Variants in MEGF11 observed in about 807,000 individuals in gnomAD.
MEGF11 encodes the protein multiple EGF like domains 11.
Under a neutral mutation model 146.6 loss-of-function variants are expected in MEGF11, and 126 were observed. The ratio of observed to expected loss-of-function variants is 0.86; its 90% CI spans 0.74 to 1.00. The LOEUF (loss-of-function observed/expected upper bound fraction) is 1.00. MEGF11 is among the 50% of genes least tolerant of loss of function. The pLI is 0.00. For missense variants in MEGF11, 1,509 were observed against 1,521.2 expected, an observed-to-expected ratio of 0.99 and a Z score of 0.13; for synonymous variants, 532 against 583.4, an observed-to-expected ratio of 0.91 and a Z score of 1.27.
chr15:66,231,264 G>A (rs11630348), intron 1 of MEGF11, among the ~76,000 whole-genome samples: 39,473 of 151,528 alleles, frequency 0.26, 6,041 homozygotes, highest in Middle Eastern at 0.36. Context: ...TCCAGAAACC[G>A]GAACCCTGGC....
chr15:66,140,755 G>A (rs528003847), intron 1 of MEGF11, among the ~76,000 whole-genome samples: 2 of 152,166 alleles, frequency 1.3e-5, no homozygotes, highest in Non-Finnish European at 2.9e-5. Context: ...GAGTGAGGCC[G>A]GTGGGAGGCC....
chr15:66,184,425 C>T (rs1241683881), intron 1 of MEGF11, among the ~76,000 whole-genome samples: 4 of 151,996 alleles, frequency 2.6e-5, no homozygotes, highest in South Asian at 2.1e-4. Flanking sequence ...CCTAAGAATC[C>T]GTGCCCCGAT....
At position 65,980,783 on chromosome 15, in the gene MEGF11, A is replaced by G; in HGVS notation, c.757T>C (p.Trp253Arg). Residue 253 changes from tryptophan to arginine, a missense_variant, in exon 7 of 26, where the codon TGG becomes CGG. Trp to Arg is a moderately radical substitution (Grantham distance 101, BLOSUM62 -3). Transcript: ENST00000395614. ...ITGECACPPG[W>R]TGAVCAQPCP... Reference sequence around the variant, plus strand: ...GATCCTTTGGGCCCACTTACCGTCCAGCCTGGGGGGCAGGCACACTCGCCA... The same window carrying G: ...GATCCTTTGGGCCCACTTACCGTCCGGCCTGGGGGGCAGGCACACTCGCCA... The G allele has an allele frequency of 6.2e-7, 1 of 1,603,082 alleles. No individual in the cohort carries two copies. The highest frequency in any genetic ancestry group is 8.5e-7 in the Non-Finnish European group (1 of 1,175,126).
At position 66,009,241 on chromosome 15, in the gene MEGF11, GTTT is replaced by G. The variant is rs10540363; in HGVS notation, c.395-26756_395-26754del. On this transcript the variant is annotated intron_variant, in intron 5 of 25. Coordinates refer to ENST00000395614, the MANE Select transcript of MEGF11 (RefSeq NM_001385028.1). The stretch of plus-strand genomic sequence containing the variant: ...TTGGTTAGAGAACACGTTAACCTAA[GTTT>G]TTTTTTTTTTTTTTTTTTTTAAATA... Among the ~76,000 whole-genome samples the G allele has an allele frequency of 2.4e-3, 346 of 143,028 alleles. 13 individuals carry two copies. Among genetic ancestry groups the G allele is most frequent in the Admixed American group, 2.7e-3 (39 of 14,466 alleles). The allele number at this position is 143,028 out of a possible 152,430, so 93.8% of individuals were successfully genotyped here. A position where few individuals can be genotyped will look rare whatever the true frequency, so the allele number is the denominator to read the frequency against.
chr15:65,940,149 T>A lies in MEGF11; in HGVS notation c.1288-9206A>T, dbSNP rs896031568. 2.6e-5 allele frequency among the ~76,000 whole-genome samples: 4 copies of A among 152,168 alleles called. No individual in the cohort carries two copies. In the East Asian group the frequency reaches 7.7e-4, roughly 29 times the overall value. ...GGGGCACAGGCTAGTCCCTCCCTAC[T>A]TCCATGGGTTCTGCAGGCGGCCTGT... On this transcript the variant is annotated intron_variant, in intron 10 of 25. Transcript: ENST00000395614.
At chr15:66,249,655 C>G (rs1363270101) in intron 1 of MEGF11, among the ~76,000 whole-genome samples, 1 of 152,186 alleles carries the variant, frequency 6.6e-6, no homozygotes, top group African/African-American at 2.4e-5. Flanking sequence ...GCTTCCCCAT[C>G]TTATAATCTC....
At chr15:66,165,142 G>A (rs2090063041) in intron 1 of MEGF11, among the ~76,000 whole-genome samples, 1 of 152,228 alleles carries the variant, frequency 6.6e-6, no homozygotes. Context: ...TCTGGGCTTA[G>A]CTGCTGAGGG....
At chr15:66,102,447 T>TC (rs1436319806) in intron 4 of MEGF11, among the ~76,000 whole-genome samples, 1 of 148,836 alleles carries the variant, frequency 6.7e-6, no homozygotes. Context: ...TTTTTTTTTT[T>TC]TTTTGAGACA....
At chr15:65,984,604 C>T (rs1596954216) in intron 5 of MEGF11, among the ~76,000 whole-genome samples, 4 of 150,192 alleles carry the variant, frequency 2.7e-5, no homozygotes. Flanking sequence ...CCTCCTACCT[C>T]ATCCTCTCTT....
chr15:66,224,807 G>A (rs1016504157), intron 1 of MEGF11, among the ~76,000 whole-genome samples: 8 of 150,906 alleles, frequency 5.3e-5, no homozygotes, highest in African/African-American at 1.9e-4. Flanking sequence ...AGGATTAGCT[G>A]TAATATTTCC....
At chr15:65,992,351 A>C (rs750442290) in intron 5 of MEGF11, among the ~76,000 whole-genome samples, 1 of 149,190 alleles carries the variant, frequency 6.7e-6, no homozygotes, top group Non-Finnish European at 1.5e-5. Context: ...ATATCACTGC[A>C]CCTGCTTGGC....
At chr15:65,907,509 G>C (rs2078664748) in intron 23 of MEGF11, among the ~76,000 whole-genome samples, 1 of 152,032 alleles carries the variant, frequency 6.6e-6, no homozygotes, top group Non-Finnish European at 1.5e-5. Context: ...TGGCCAGGCT[G>C]GTCTTGAACT....
At chr15:66,194,735 G>A (rs1597145736) in intron 1 of MEGF11, among the ~76,000 whole-genome samples, 1 of 152,000 alleles carries the variant, frequency 6.6e-6, no homozygotes, top group Non-Finnish European at 1.5e-5. Context: ...CTTGGGTGAC[G>A]GGTGCACCCA....
At chr15:66,074,746 T>C (rs1455647269) in intron 5 of MEGF11, among the ~76,000 whole-genome samples, 1 of 152,226 alleles carries the variant, frequency 6.6e-6, no homozygotes, top group Non-Finnish European at 1.5e-5. Context: ...CTCCCTAACG[T>C]GGTACTGGCA....
intron 1 of MEGF11, among the ~76,000 whole-genome samples, chr15:66,231,237 C>T (rs2140200383): frequency 6.6e-6 from 1 of 152,044 alleles, no homozygotes; most frequent in South Asian, 2.1e-4. Flanking sequence ...CCCCCACCAT[C>T]CCCCAAGGCA....
Position 66,119,303 on chromosome 15 carries a change from T to A in MEGF11, c.201-117A>T, listed in dbSNP as rs1485460673. On this transcript the variant is annotated intron_variant, in intron 3 of 25. Coordinates refer to ENST00000395614, the MANE Select transcript of MEGF11 (RefSeq NM_001385028.1). Reference sequence around the variant, plus strand: ...CATTCAATAATTACTTTAAAATGCATGGCGACTTCAAATATGAAGGAACAC... The same window carrying A: ...CATTCAATAATTACTTTAAAATGCAAGGCGACTTCAAATATGAAGGAACAC... The A allele has an allele frequency of 1.9e-5, 13 of 699,296 alleles. No homozygotes were observed. The African/African-American group carries it at 2.3e-4, about 13-fold the overall frequency. The allele number at this position is 699,296 out of a possible 1,614,324, so 43.3% of individuals were successfully genotyped here.
At chr15:65,936,379 C>A (rs1473196157) in intron 10 of MEGF11, among the ~76,000 whole-genome samples, 3 of 152,178 alleles carry the variant, frequency 2.0e-5, no homozygotes, top group Non-Finnish European at 4.4e-5. Context: ...TGGGCCCCTG[C>A]TGGTACATAA....
At chr15:66,007,802 C>G (rs866377776) in intron 5 of MEGF11, among the ~76,000 whole-genome samples, 5 of 152,248 alleles carry the variant, frequency 3.3e-5, no homozygotes, top group Admixed American at 1.3e-4. Flanking sequence ...TTCTCATTAC[C>G]CCTTCACCCA....
At chr15:65,955,644 T>C (rs1171347236) in intron 10 of MEGF11, among the ~76,000 whole-genome samples, 1 of 141,780 alleles carries the variant, frequency 7.1e-6, no homozygotes, top group African/African-American at 2.6e-5. Flanking sequence ...CTTAGGAGGC[T>C]GAGGCACGAG....
Sources: allele counts gnomAD v4.1 joint callset (sites outside exome capture counted in the v4.1 genomes callset), GRCh38; gene constraint gnomAD v4.1.1; transcripts MANE v1.5; gene names NCBI Gene and HGNC (gene_info 2026-07-23, HGNC 2026-07-21).